The following MSRA variants were observed in gnomAD, a reference collection of about 807,000 sequenced individuals.
The protein encoded by MSRA is mitochondrial peptide methionine sulfoxide reductase.
Under a neutral mutation model 31.3 loss-of-function variants are expected in MSRA, and 54 were observed. That is an observed-to-expected ratio of 1.73 (90% CI 1.39 to 2.17). The LOEUF is 2.17. Among genes scored for constraint, MSRA ranks in the 30% most tolerant of loss-of-function variants. The probability of loss-of-function intolerance (pLI) is 0.00; values close to 1 mark genes in which losing one functional copy is unlikely to be tolerated. For synonymous variants in MSRA, 169 were observed against 116.5 expected (o/e 1.45, Z -2.90); for missense variants, 507 against 300.9 (o/e 1.69, Z -5.07).
At chr8:10,295,963 C>T (rs922582646) in intron 3 of MSRA, among the ~76,000 whole-genome samples, 2 of 152,208 alleles carry the variant, frequency 1.3e-5, no homozygotes, top group Non-Finnish European at 2.9e-5. Context: ...GGATTAAACA[C>T]TTGCTCATTA....
At chr8:10,105,873 C>T (rs1256642156) in intron 1 of MSRA, among the ~76,000 whole-genome samples, 2 of 152,160 alleles carry the variant, frequency 1.3e-5, no homozygotes, top group East Asian at 3.8e-4. Context: ...AATCACTTTG[C>T]AAAACAAAAG....
chr8:10,383,574 ACGGTGAGTTT>A (rs1806206681), intron 5 of MSRA, among the ~76,000 whole-genome samples: 1 of 42,068 alleles, frequency 2.4e-5, no homozygotes, highest in African/African-American at 7.8e-5. Context: ...TTTCAGGTTG[ACGGTGAGTTT>A]GACATTTGTA....
chr8:10,277,945 T>C (rs567907052), intron 3 of MSRA, among the ~76,000 whole-genome samples: 34 of 152,196 alleles, frequency 2.2e-4, no homozygotes, highest in Non-Finnish European at 2.9e-5. Flanking sequence ...AAAATACCTA[T>C]GAAGGAATTG....
At chr8:10,391,071 A>G (rs1392729663) in intron 5 of MSRA, among the ~76,000 whole-genome samples, 1 of 152,150 alleles carries the variant, frequency 6.6e-6, no homozygotes, top group East Asian at 1.9e-4. Flanking sequence ...CTGGCACTTC[A>G]AAAAAGTAAA....
At chr8:10,295,054 A>C (rs1800458278) in intron 3 of MSRA, among the ~76,000 whole-genome samples, 1 of 152,140 alleles carries the variant, frequency 6.6e-6, no homozygotes. Flanking sequence ...CTTACATAGC[A>C]GGCACTCCTG....
At chr8:10,372,268 A>G (rs1036339239) in intron 5 of MSRA, among the ~76,000 whole-genome samples, 1 of 152,218 alleles carries the variant, frequency 6.6e-6, no homozygotes, top group Non-Finnish European at 1.5e-5. Flanking sequence ...ATTGGGAATT[A>G]AGAAATAAAC....
intron 5 of MSRA, among the ~76,000 whole-genome samples, chr8:10,383,518 G>C (rs1183234392): frequency 3.9e-5 from 6 of 152,112 alleles, no homozygotes; most frequent in Admixed American, 3.9e-4. Flanking sequence ...CAAAATTGTA[G>C]CTCCTTAATT....
At chr8:10,365,883 C>T (rs372472740) in intron 5 of MSRA, among the ~76,000 whole-genome samples, 2 of 152,230 alleles carry the variant, frequency 1.3e-5, no homozygotes, top group Non-Finnish European at 2.9e-5. Flanking sequence ...TGGCTCCAGG[C>T]ATCTCGTTCT....
At chr8:10,336,081 CTTTCTTCTCATTCCGT>C in intron 5 of MSRA, among the ~76,000 whole-genome samples, 1 of 152,312 alleles carries the variant, frequency 6.6e-6, no homozygotes. Context: ...TCGCTCCTCC[CTTTCTTCTCATTCCGT>C]ATCTTGCCAA....
intron 1 of MSRA, among the ~76,000 whole-genome samples, chr8:10,186,077 C>G (rs1256351633): frequency 6.6e-6 from 1 of 152,148 alleles, no homozygotes; most frequent in African/African-American, 2.4e-5. Context: ...CTTACTGATC[C>G]TTACCGTGTT....
intron 1 of MSRA, among the ~76,000 whole-genome samples, chr8:10,082,009 C>G (rs138104953): frequency 1.3e-5 from 2 of 152,258 alleles, no homozygotes; most frequent in East Asian, 3.9e-4. Context: ...TGAGACTAGA[C>G]TGGACAACAA....
intron 1 of MSRA, among the ~76,000 whole-genome samples, chr8:10,145,303 GA>G (rs1247257546): frequency 6.6e-6 from 1 of 152,154 alleles, no homozygotes; most frequent in Non-Finnish European, 1.5e-5. Flanking sequence ...CTTTGCATTA[GA>G]AAAGAAAGGC....
chr8:10,333,812 C>G (rs570751449), intron 5 of MSRA, among the ~76,000 whole-genome samples: 5 of 152,042 alleles, frequency 3.3e-5, no homozygotes, highest in Admixed American at 1.3e-4. Context: ...CCACCCCACC[C>G]CCCCCACGCT....
chr8:10,212,148 C>T (rs1467325967), intron 2 of MSRA, among the ~76,000 whole-genome samples: 3 of 151,714 alleles, frequency 2.0e-5, no homozygotes, highest in East Asian at 1.9e-4. Flanking sequence ...GATCGCGCCA[C>T]TGCACTCCAG....
At chr8:10,253,036 A>G (rs1400518877) in intron 3 of MSRA, among the ~76,000 whole-genome samples, 1 of 152,230 alleles carries the variant, frequency 6.6e-6, no homozygotes, top group Non-Finnish European at 1.5e-5. Context: ...AAGTTTGCCC[A>G]GTTATTTAAA....
chr8:10,341,805 C>T (rs565564633), intron 5 of MSRA, among the ~76,000 whole-genome samples: 2 of 152,298 alleles, frequency 1.3e-5, no homozygotes, highest in Non-Finnish European at 2.9e-5. Flanking sequence ...CAGCTGTATC[C>T]GCAATGGGCA....
intron 1 of MSRA, among the ~76,000 whole-genome samples, chr8:10,079,347 G>T (rs746667737): frequency 6.6e-6 from 1 of 152,004 alleles, no homozygotes; most frequent in Non-Finnish European, 1.5e-5. Flanking sequence ...TAGAGACAGG[G>T]TTTCGCCATG....
At chr8:10,066,648 C>T (rs186479422) in intron 1 of MSRA, among the ~76,000 whole-genome samples, 2 of 152,158 alleles carry the variant, frequency 1.3e-5, no homozygotes, top group Non-Finnish European at 2.9e-5. Context: ...ATTGTTCTGC[C>T]TCAGCCTTCC....
chr8:10,386,232 C>T (rs796818948), intron 5 of MSRA, among the ~76,000 whole-genome samples: 9 of 152,254 alleles, frequency 5.9e-5, no homozygotes, highest in African/African-American at 2.2e-4. Context: ...AACGATTCTC[C>T]CAAAATTGTG....
Sources: allele counts gnomAD v4.1 joint callset (sites outside exome capture counted in the v4.1 genomes callset), GRCh38; gene constraint gnomAD v4.1.1; transcripts MANE v1.5; gene names NCBI Gene and HGNC (gene_info 2026-07-23, HGNC 2026-07-21).